Variants in TBL1XR1 observed in about 807,000 individuals in gnomAD.
TBL1XR1 encodes TBL1X/Y related 1.
TBL1XR1 carries 5 observed loss-of-function variants against 66.9 expected under a neutral mutation model. The ratio of observed to expected loss-of-function variants is 0.07; its 90% CI spans 0.04 to 0.16. TBL1XR1 has a LOEUF of 0.16. Ranked by LOEUF, TBL1XR1 falls within the 10% of genes least tolerant of loss-of-function variation. TBL1XR1 has a pLI of 1.00. For synonymous variants in TBL1XR1, 210 were observed against 206.0 expected, an observed-to-expected ratio of 1.02 and a Z score of -0.17; for missense variants, 238 against 623.2, an observed-to-expected ratio of 0.38 and a Z score of 6.58.
intron 1 of TBL1XR1, among the ~76,000 whole-genome samples, chr3:177,113,004 AACACACAC>A (rs139383418): frequency 1.3e-5 from 2 of 149,754 alleles, no homozygotes; most frequent in Non-Finnish European, 3.0e-5. Context: ...ACTGTCTCAA[AACACACAC>A]ACACACACAC....
At chr3:177,109,655 T>A (rs1044095388) in intron 1 of TBL1XR1, among the ~76,000 whole-genome samples, 1 of 152,060 alleles carries the variant, frequency 6.6e-6, no homozygotes, top group Non-Finnish European at 1.5e-5. Context: ...AAAACACAGA[T>A]CCCTGCTCTC....
chr3:177,102,506 T>C (rs367949989), intron 1 of TBL1XR1, among the ~76,000 whole-genome samples: 24 of 152,234 alleles, frequency 1.6e-4, no homozygotes, highest in African/African-American at 4.3e-4. Context: ...TTAAAAGATA[T>C]AGTGATATAC....
chr3:177,150,315 G>C lies in TBL1XR1; in HGVS notation c.-122+46806C>G, dbSNP rs186375573. ...GAGGAGCAAACAGTGTGGTGTCAAA[G>C]AAGTTGATATTTGAACAGAGTACAG... On this transcript the variant is annotated intron_variant, in intron 1 of 15. Transcript: ENST00000457928. Among the ~76,000 whole-genome samples, 18 of 152,304 alleles carry C rather than the reference G, an allele frequency of 1.2e-4. 1 individual carries two copies. The highest frequency in any genetic ancestry group is 9.8e-4 in the Admixed American group (15 of 15,300).
intron 1 of TBL1XR1, among the ~76,000 whole-genome samples, chr3:177,160,182 G>T (rs1362044428): frequency 6.6e-6 from 1 of 152,062 alleles, no homozygotes; most frequent in Admixed American, 6.6e-5. Flanking sequence ...CATGTAAGTA[G>T]AAGTATCTGG....
At chr3:177,170,610 A>T (rs1327396488) in intron 1 of TBL1XR1, among the ~76,000 whole-genome samples, 1 of 152,108 alleles carries the variant, frequency 6.6e-6, no homozygotes, top group African/African-American at 2.4e-5. Context: ...TCACATTTAT[A>T]TTCTAAAGTC....
At chr3:177,161,011 A>AT (rs1732147072) in intron 1 of TBL1XR1, 1 of 151,978 alleles carries the variant, frequency 6.6e-6, no homozygotes, top group African/African-American at 2.4e-5. Context: ...AAAAAAAAAT[A>AT]AAGATCTAAA....
chr3:177,091,819 T>C (rs935885221), intron 2 of TBL1XR1, among the ~76,000 whole-genome samples: 1 of 152,198 alleles, frequency 6.6e-6, no homozygotes, highest in Non-Finnish European at 1.5e-5. Flanking sequence ...TCATATGCCT[T>C]TCCTGTGCAA....
intron 2 of TBL1XR1, among the ~76,000 whole-genome samples, chr3:177,096,410 C>T (rs578017828): frequency 6.6e-6 from 1 of 152,076 alleles, no homozygotes; most frequent in Non-Finnish European, 1.5e-5. Flanking sequence ...ACAAAACTGA[C>T]AAACATGTTT....
chr3:177,067,701 G>GTT (rs560028486), intron 2 of TBL1XR1, among the ~76,000 whole-genome samples: 1 of 148,970 alleles, frequency 6.7e-6, no homozygotes, highest in African/African-American at 2.5e-5. Context: ...CGGCAATTAA[G>GTT]TTTTTTTTTT....
At chr3:177,068,417 G>T (rs1322969591) in intron 2 of TBL1XR1, among the ~76,000 whole-genome samples, 2 of 152,104 alleles carry the variant, frequency 1.3e-5, no homozygotes, top group African/African-American at 2.4e-5. Context: ...CCAATTGGTG[G>T]CTATATTCAA....
At chr3:177,053,199 T>A (rs549051189) in intron 4 of TBL1XR1, among the ~76,000 whole-genome samples, 1 of 152,292 alleles carries the variant, frequency 6.6e-6, no homozygotes, top group South Asian at 2.1e-4. Flanking sequence ...AAATATTAAT[T>A]TAGGCTCTGC....
intron 1 of TBL1XR1, among the ~76,000 whole-genome samples, chr3:177,169,922 G>A (rs866254447): frequency 2.6e-5 from 4 of 152,188 alleles, no homozygotes; most frequent in African/African-American, 9.6e-5. Context: ...GCATCACCTG[G>A]GAAACTGCTG....
chr3:177,051,540 C>T lies in TBL1XR1; in HGVS notation c.391G>A (p.Ala131Thr), dbSNP rs1261181720. 5 of 1,613,418 alleles carry T rather than the reference C, an allele frequency of 3.1e-6. No homozygotes were observed. Among genetic ancestry groups the T allele is most frequent in the Non-Finnish European group, 4.2e-6 (5 of 1,179,728 alleles). Reference sequence around the variant, plus strand: ...TGTGCTCCATTCTCCTCCCCATTTGCTGTGTTTTCTCCATTTTTTGCAGAT... The same window carrying T: ...TGTGCTCCATTCTCCTCCCCATTTGTTGTGTTTTCTCCATTTTTTGCAGAT... ...QGSAKNGENT[A>T]NGEENGAHTI... Residue 131 changes from alanine (A) to threonine (T), a missense_variant, in exon 5 of 16, where the codon GCA (alanine) becomes ACA (threonine). Ala to Thr is a moderately conservative substitution (Grantham distance 58). Transcript: ENST00000457928.
intron 1 of TBL1XR1, among the ~76,000 whole-genome samples, chr3:177,168,129 A>G (rs1341236546): frequency 1.3e-5 from 2 of 152,214 alleles, no homozygotes; most frequent in Non-Finnish European, 2.9e-5. Context: ...GCCATGTTAT[A>G]TAACAGAAAC....
chr3:177,196,409 C>T (rs1736851838), intron 1 of TBL1XR1: 1 of 152,000 alleles, frequency 6.6e-6, no homozygotes, highest in African/African-American at 2.4e-5. Flanking sequence ...CCACCAAATA[C>T]CTCCTTAAGA....
At chr3:177,037,609 G>C (rs1434283631) in intron 12 of TBL1XR1, 1 of 153,964 alleles carries the variant, frequency 6.5e-6, no homozygotes, top group Admixed American at 6.5e-5. Flanking sequence ...TTGGTATATT[G>C]GTCTTCTGCT....
intron 1 of TBL1XR1, among the ~76,000 whole-genome samples, chr3:177,114,297 C>CAT (rs932292151): frequency 6.6e-6 from 1 of 150,500 alleles, no homozygotes; most frequent in African/African-American, 2.5e-5. Flanking sequence ...TATATGGATA[C>CAT]ATATATATGA....
At chr3:177,030,096 GTGTGTGTGTA>G (rs1275341164) in intron 14 of TBL1XR1, among the ~76,000 whole-genome samples, 1 of 150,868 alleles carries the variant, frequency 6.6e-6, no homozygotes, top group East Asian at 2.0e-4. Flanking sequence ...ATGCACAGGT[GTGTGTGTGTA>G]TGTGTGTGTG....
At chr3:177,151,638 A>T (rs928154289) in intron 1 of TBL1XR1, among the ~76,000 whole-genome samples, 1 of 152,196 alleles carries the variant, frequency 6.6e-6, no homozygotes, top group Non-Finnish European at 1.5e-5. Context: ...AAAATGAAAA[A>T]CAGGCTGAGT....
Sources: allele counts gnomAD v4.1 joint callset (sites outside exome capture counted in the v4.1 genomes callset), GRCh38; gene constraint gnomAD v4.1.1; transcripts MANE v1.5; gene names NCBI Gene and HGNC (gene_info 2026-07-23, HGNC 2026-07-21).